GDF10: variants seen among roughly 807,000 people sequenced by gnomAD.
GDF10 encodes the protein growth differentiation factor 10.
GDF10 carries 23 observed loss-of-function variants against 32.1 expected under a neutral mutation model. The ratio of observed to expected loss-of-function variants is 0.72; its 90% CI spans 0.52 to 1.02. GDF10 has a LOEUF of 1.02. Among genes scored for constraint, GDF10 ranks in the 50% least tolerant of loss-of-function variants. The pLI, the probability that GDF10 is intolerant of heterozygous loss-of-function variation, is 0.00. For synonymous variants in GDF10, 328 were observed against 303.1 expected (o/e 1.08, Z -0.85); for missense variants, 764 against 673.9 (o/e 1.13, Z -1.48).
At chr10:47,309,727 C>A (rs2132225197) in intron 1 of GDF10, 69 bp from the exon 2 acceptor site, 2 of 1,048,128 alleles carry the variant, frequency 1.9e-6, no homozygotes, top group Non-Finnish European at 1.4e-6. Context: ...GCTCCTCCAG[C>A]CCTGGGTGGG....
chr10:47,303,191 A>G (rs960606701), intron 1 of GDF10, among the ~76,000 whole-genome samples: 3 of 152,130 alleles, frequency 2.0e-5, no homozygotes, highest in Non-Finnish European at 4.4e-5. Flanking sequence ...GGATGATGCC[A>G]CCCATGTGGG....
At chr10:47,301,072 G>T in intron 1 of GDF10, 102 bp downstream of exon 1, 1 of 741,702 alleles carries the variant, frequency 1.3e-6, no homozygotes, top group Non-Finnish European at 2.0e-6. Flanking sequence ...TCTAGCCAAC[G>T]GGTGAGTGGT....
In GDF10 at chr10:47,312,861, C is replaced by T. The variant is rs2061052112; in HGVS notation, c.*69C>T. The T allele has an allele frequency of 9.6e-7, 1 of 1,042,594 alleles. No individual in the cohort carries two copies. The highest frequency in any genetic ancestry group is 2.4e-5 in the Admixed American group (1 of 41,136). The allele number at this position is 1,042,594 out of a possible 1,614,324, so 64.6% of individuals were successfully genotyped here. A position where few individuals can be genotyped will look rare whatever the true frequency, so the allele number is the denominator to read the frequency against. ...TTCTCGGAGCCTTCTGCAACCAGGA[C>T]TTGTGGTGCAGCTGCAGACACAGAG... On this transcript the variant is annotated 3_prime_UTR_variant, in exon 3 of 3. Coordinates refer to ENST00000580279, the MANE Select transcript of GDF10 (RefSeq NM_004962.5).
In GDF10 at chr10:47,309,271, GGAA is replaced by G. The variant is rs1335707395; in HGVS notation, c.320-521_320-519del. 2.6e-5 allele frequency among the ~76,000 whole-genome samples: 4 copies of G among 152,194 alleles called. No homozygotes were observed. The South Asian group carries it at 8.3e-4, about 31-fold the overall frequency. On this transcript the variant is annotated intron_variant, in intron 1 of 2. Coordinates refer to ENST00000580279, the MANE Select transcript of GDF10 (RefSeq NM_004962.5). ...AGCGTTTATTTATTTCGTCTCTTTT[GGAA>G]GAATGTTTGGGTTTAATGTGAAGTG... is the stretch of plus-strand genomic sequence containing the variant.
intron 1 of GDF10, among the ~76,000 whole-genome samples, chr10:47,308,860 T>C (rs1441322351): frequency 1.2e-4 from 19 of 152,276 alleles, no homozygotes; most frequent in African/African-American, 4.3e-4. Context: ...CTCACTGATA[T>C]ATAATAATGT....
At chr10:47,312,262 T>C (rs1321854735) in intron 2 of GDF10, among the ~76,000 whole-genome samples, 1 of 152,170 alleles carries the variant, frequency 6.6e-6, no homozygotes, top group Non-Finnish European at 1.5e-5. Flanking sequence ...CTGGGCAGCT[T>C]CTGCCTGCTT....
At chr10:47,303,152 A>G (rs1034864101) in intron 1 of GDF10, among the ~76,000 whole-genome samples, 4 of 152,150 alleles carry the variant, frequency 2.6e-5, no homozygotes, top group Non-Finnish European at 4.4e-5. Flanking sequence ...CTGAGGAGGT[A>G]TGAGTTTGGG....
At chr10:47,301,560 A>G (rs532626891) in intron 1 of GDF10, among the ~76,000 whole-genome samples, 13 of 152,340 alleles carry the variant, frequency 8.5e-5, no homozygotes, top group African/African-American at 2.4e-4. Context: ...CACTCTGCCT[A>G]TCTCCGGCCT....
chr10:47,310,767 C>A, intron 2 of GDF10, 46 bp downstream of exon 2: 1 of 1,323,956 alleles, frequency 7.6e-7, no homozygotes. Context: ...CTCAGCTCTG[C>A]CGCTACCGTC....
chr10:47,307,841 G>T (rs2853837), intron 1 of GDF10, among the ~76,000 whole-genome samples: 3 of 152,052 alleles, frequency 2.0e-5, no homozygotes, highest in Non-Finnish European at 2.9e-5. Context: ...AGTTGATGGA[G>T]GGGAGCTTGC....
chr10:47,303,061 C>T (rs2061010067), intron 1 of GDF10, among the ~76,000 whole-genome samples: 1 of 152,214 alleles, frequency 6.6e-6, no homozygotes, highest in Non-Finnish European at 1.5e-5. Context: ...TGATCCTCTC[C>T]TCCCTTGATT....
In GDF10 at chr10:47,307,569, T is replaced by TGTCCCCAGCA. The variant is rs2061027404; in HGVS notation, c.320-2215_320-2206dup. ...CACTGGGGCTGGGGGTGACCCATCTTGTCCCCAGCAGTCCCCAGCAGGGAG... is the reference window on the plus strand; with the variant it reads ...CACTGGGGCTGGGGGTGACCCATCTTGTCCCCAGCAGTCCCCAGCAGTCCCCAGCAGGGAG... On this transcript the variant is annotated intron_variant, in intron 1 of 2. Coordinates refer to ENST00000580279, the MANE Select transcript of GDF10 (RefSeq NM_004962.5). Among the ~76,000 whole-genome samples, 3 of 152,300 alleles carry TGTCCCCAGCA rather than the reference T, an allele frequency of 2.0e-5. No homozygotes were observed. In the South Asian group the frequency reaches 6.2e-4, roughly 32 times the overall value.
chr10:47,303,700 G>A (rs1488298570), intron 1 of GDF10, among the ~76,000 whole-genome samples: 1 of 152,140 alleles, frequency 6.6e-6, no homozygotes, highest in East Asian at 1.9e-4. Flanking sequence ...GACCCTAAGG[G>A]TTAAGGTTAG....
Position 47,310,114 on chromosome 10 carries a change from C to T in GDF10, c.638C>T (p.Ala213Val), listed in dbSNP as rs1555207526. Residue 213 changes from alanine to valine, a missense_variant, in exon 2 of 3, where the codon GCC (alanine) becomes GTC (valine). Physicochemically the swap from Ala to Val is moderately conservative, Grantham distance 64. Coordinates refer to ENST00000580279, the MANE Select transcript of GDF10 (RefSeq NM_004962.5). ...AKDISPIVKA[A>V]RRDGELLLSA... ...GACATCTCCCCCATCGTCAAGGCGG[C>T]CCGCCGGGATGGCGAGCTGCTCCTC... 1 of 1,609,866 alleles carries T rather than the reference C, an allele frequency of 6.2e-7. No homozygotes were observed. The highest frequency in any genetic ancestry group is 8.5e-7 in the Non-Finnish European group (1 of 1,179,164).
chr10:47,303,721 A>G (rs1028050841), intron 1 of GDF10, among the ~76,000 whole-genome samples: 5 of 152,116 alleles, frequency 3.3e-5, no homozygotes, highest in Non-Finnish European at 1.5e-5. Flanking sequence ...ACCACCCCTA[A>G]TTCCCACTGA....
chr10:47,304,917 A>T (rs1555207087), intron 1 of GDF10, among the ~76,000 whole-genome samples: 1 of 152,162 alleles, frequency 6.6e-6, no homozygotes, highest in Non-Finnish European at 1.5e-5. Flanking sequence ...CACAGTAAGG[A>T]TCTTAACCTT....
Position 47,310,383 on chromosome 10 carries a change from C to A in GDF10, c.907C>A (p.Leu303Met), listed in dbSNP as rs782396495. Reference sequence around the variant, plus strand: ...CACTGGGCCCCTCCAGGACAACGAGCTGCCGGGGCTGGATGAGAGGCCGCC... The same window carrying A: ...CACTGGGCCCCTCCAGGACAACGAGATGCCGGGGCTGGATGAGAGGCCGCC... ...QATGPLQDNE[L>M]PGLDERPPRA... The change falls in exon 2 of 3, where the codon CTG becomes ATG. Residue 303 changes from leucine to methionine, a missense_variant. Physicochemically the swap from Leu to Met is conservative, Grantham distance 15 (BLOSUM62 2). Transcript: ENST00000580279. 1.1e-5 allele frequency: 18 copies of A among 1,608,018 alleles called. No homozygotes were observed. Among genetic ancestry groups the A allele is most frequent in the Non-Finnish European group, 1.4e-5 (17 of 1,178,220 alleles).
At chr10:47,302,029 C>T (rs2061006632) in intron 1 of GDF10, among the ~76,000 whole-genome samples, 1 of 152,208 alleles carries the variant, frequency 6.6e-6, no homozygotes, top group Non-Finnish European at 1.5e-5. Context: ...TGCCCTCCTC[C>T]TCCACTTAGC....
intron 1 of GDF10, among the ~76,000 whole-genome samples, chr10:47,304,966 C>T (rs868935256): frequency 5.7e-4 from 86 of 152,010 alleles, no homozygotes; most frequent in Admixed American, 1.4e-3. Flanking sequence ...GACATGAGTG[C>T]GATGTAAGAG....
Sources: allele counts gnomAD v4.1 joint callset (sites outside exome capture counted in the v4.1 genomes callset), GRCh38; gene constraint gnomAD v4.1.1; transcripts MANE v1.5; gene names NCBI Gene and HGNC (gene_info 2026-07-23, HGNC 2026-07-21).